CTTNBP2: variants seen among roughly 807,000 people sequenced by gnomAD.
CTTNBP2 encodes the protein cortactin binding protein 2.
Under a neutral mutation model 156.9 loss-of-function variants are expected in CTTNBP2, and 108 were observed. The observed-to-expected ratio is 0.69, with a 90% CI of 0.59 to 0.81. The LOEUF is 0.81. CTTNBP2 is among the 30% of genes least tolerant of loss of function. CTTNBP2 has a pLI of 0.00. For missense variants in CTTNBP2, 1,924 were observed against 2,035.4 expected (o/e 0.95, Z 1.05); for synonymous variants, 767 against 751.8 (o/e 1.02, Z -0.33).
intron 2 of CTTNBP2, among the ~76,000 whole-genome samples, chr7:117,832,124 A>C (rs2117082219): frequency 6.6e-6 from 1 of 152,210 alleles, no homozygotes; most frequent in African/African-American, 2.4e-5. Context: ...TGGCTGTGAC[A>C]CTGCCATCCT....
chr7:117,852,692 T>C (rs1158262620), intron 2 of CTTNBP2, among the ~76,000 whole-genome samples: 2 of 152,218 alleles, frequency 1.3e-5, no homozygotes, highest in African/African-American at 4.8e-5. Context: ...TGCGCTCAAT[T>C]GCAAGGGAAC....
In CTTNBP2 at chr7:117,801,086, C is replaced by A. The variant is rs975801996; in HGVS notation, c.415-8305G>T. Among the ~76,000 whole-genome samples the A allele has an allele frequency of 1.7e-4, 26 of 152,236 alleles. 1 individual carries two copies. The South Asian group carries it at 2.1e-3, about 12-fold the overall frequency. On this transcript the variant is annotated intron_variant, in intron 3 of 22. Coordinates refer to ENST00000160373, the MANE Select transcript of CTTNBP2 (RefSeq NM_033427.3). The stretch of plus-strand genomic sequence containing the variant: ...TCAAATAGGCATCCATGACTCCACA[C>A]TGATGTAATAAACAAGTAAACAGGG...
At chr7:117,871,859 C>CACACACAG (rs1804625423) in intron 1 of CTTNBP2, 1 of 797,962 alleles carries the variant, frequency 1.3e-6, no homozygotes, top group Non-Finnish European at 1.5e-6. Context: ...CACACACACA[C>CACACACAG]ACACACACAC....
chr7:117,851,958 T>C, intron 2 of CTTNBP2, among the ~76,000 whole-genome samples: 1 of 152,212 alleles, frequency 6.6e-6, no homozygotes, highest in East Asian at 1.9e-4. Context: ...CTTGACAGGA[T>C]TACTTAAAAG....
At chr7:117,860,294 A>C (rs1410955471) in intron 2 of CTTNBP2, among the ~76,000 whole-genome samples, 1 of 152,180 alleles carries the variant, frequency 6.6e-6, no homozygotes, top group Non-Finnish European at 1.5e-5. Context: ...CAGAATACTT[A>C]ATTGGAAAAT....
rs1799042442 is a variant in CTTNBP2 at position 117,791,916 on chromosome 7, C to T, written c.1280G>A (p.Ser427Asn). 6.2e-7 allele frequency: 1 copy of T among 1,614,004 alleles called. No homozygotes were observed. Among genetic ancestry groups the T allele is most frequent in the Admixed American group, 1.7e-5 (1 of 59,990 alleles). The change falls in exon 4 of 23, where the codon AGT becomes AAT. Residue 427 changes from serine (S) to asparagine (N), a missense_variant. By Grantham distance (46) the Ser-to-Asn change is conservative. Coordinates refer to ENST00000160373, the MANE Select transcript of CTTNBP2 (RefSeq NM_033427.3). ...GGTGTTGGCACATGGTGAATGTAAA[C>T]TGTGCATAGGTGGAGCTTGCGAGTT... is the stretch of plus-strand genomic sequence containing the variant. ...PQNSQAPPMH[S>N]LHSPCANTSL...
At chr7:117,863,518 C>G (rs1803909379) in intron 1 of CTTNBP2, among the ~76,000 whole-genome samples, 1 of 152,342 alleles carries the variant, frequency 6.6e-6, no homozygotes, top group African/African-American at 2.4e-5. Context: ...CGGGGCTCCA[C>G]CCCTGGAAAT....
At position 117,746,009 on chromosome 7, in the gene CTTNBP2, A is replaced by G. The variant is rs1268093853; in HGVS notation, c.3435+4T>C. 6.2e-6 allele frequency: 10 copies of G among 1,613,586 alleles called. No individual in the cohort carries two copies. Among genetic ancestry groups the G allele is most frequent in the Admixed American group, 3.3e-5 (2 of 60,032 alleles). ...AAAGCAGCTGATATACAAGTAATCA[A>G]TACCTTCAGGCAGAGTGCAAGCTGA... is the stretch of plus-strand genomic sequence containing the variant. On this transcript the variant is annotated splice_donor_region_variant and intron_variant, in intron 13 of 22. Coordinates refer to ENST00000160373, the MANE Select transcript of CTTNBP2 (RefSeq NM_033427.3).
chr7:117,857,717 T>G (rs1420510536), intron 2 of CTTNBP2, among the ~76,000 whole-genome samples: 2 of 152,172 alleles, frequency 1.3e-5, no homozygotes, highest in Non-Finnish European at 2.9e-5. Context: ...ATGCACTTCC[T>G]TCACAGTTGA....
At position 117,810,754 on chromosome 7, in the gene CTTNBP2, C is replaced by A; in HGVS notation, c.414+11G>T. On this transcript the variant is annotated intron_variant, in intron 3 of 22. Coordinates refer to ENST00000160373, the MANE Select transcript of CTTNBP2 (RefSeq NM_033427.3). ...GTTGTGGGGAAAATGACCATTTGAACGCCTCAATACCTTCTTTTGTCTGCT... is the reference window on the plus strand; with the variant it reads ...GTTGTGGGGAAAATGACCATTTGAAAGCCTCAATACCTTCTTTTGTCTGCT... 6.2e-7 allele frequency: 1 copy of A among 1,608,776 alleles called. No individual in the cohort carries two copies.
chr7:117,716,233 ACTT>A (rs1371693056), intron 22 of CTTNBP2, among the ~76,000 whole-genome samples: 5 of 123,152 alleles, frequency 4.1e-5, no homozygotes, highest in Admixed American at 1.5e-4. Context: ...TTTCAGTACT[ACTT>A]TTTTTTTGTG....
At chr7:117,835,274 T>C (rs11980943) in intron 2 of CTTNBP2, among the ~76,000 whole-genome samples, 108,026 of 151,756 alleles carry the variant, frequency 0.71, 39,169 homozygotes, top group African/African-American at 0.86. Context: ...TGCACACTAA[T>C]TCATGTTTAA....
rs1050622877 is a variant in CTTNBP2 at position 117,780,577 on chromosome 7, A to G, written c.2387T>C (p.Leu796Ser). ...ATTAATGTTAGCATCATATGAAATT[A>G]ATAATTCTACACACCTAAACACAAG... ...AQGHFECVEL[L>S]ISYDANINHA... The change falls in exon 7 of 23, where the codon TTA (leucine) becomes TCA (serine). Residue 796 changes from leucine to serine, a missense_variant. Coordinates refer to ENST00000160373, the MANE Select transcript of CTTNBP2 (RefSeq NM_033427.3). The G allele has an allele frequency of 6.3e-7, 1 of 1,587,278 alleles. No homozygotes were observed. The highest frequency in any genetic ancestry group is 8.6e-7 in the Non-Finnish European group (1 of 1,168,084).
chr7:117,853,235 TA>T (rs1462764814), intron 2 of CTTNBP2, among the ~76,000 whole-genome samples: 6 of 152,202 alleles, frequency 3.9e-5, no homozygotes, highest in African/African-American at 1.4e-4. Context: ...GAGGTGGCTG[TA>T]GAAAAGAAAC....
intron 2 of CTTNBP2, among the ~76,000 whole-genome samples, chr7:117,811,812 AAAAATTTTAATTAAATT>A (rs1377714628): frequency 9.9e-5 from 15 of 150,894 alleles, no homozygotes; most frequent in South Asian, 2.1e-4. Flanking sequence ...TTTTTAATGT[AAAAATTTTAATTAAATT>A]AAAATTTTAA....
intron 20 of CTTNBP2, among the ~76,000 whole-genome samples, chr7:117,720,007 C>A (rs1794692688): frequency 6.6e-6 from 1 of 152,152 alleles, no homozygotes; most frequent in African/African-American, 2.4e-5. Flanking sequence ...TGCTAGCTAG[C>A]AATATGACCA....
chr7:117,873,362 G>T lies in CTTNBP2; in HGVS notation c.54C>A (p.Asp18Glu). 1 of 1,468,538 alleles carries T rather than the reference G, an allele frequency of 6.8e-7. No individual in the cohort carries two copies. Among genetic ancestry groups the T allele is most frequent in the South Asian group, 1.3e-5 (1 of 75,934 alleles). The allele number at this position is 1,468,538 out of a possible 1,614,324, so 91.0% of individuals were successfully genotyped here. ...CCGCCTCCGCCGCGGCCCCCGCCGC[G>T]TCCTCCGGGGCCCGGGACAAGTCGG... ...CEPDLSRAPE[D>E]AAGAAAEAAK... Residue 18 changes from aspartate to glutamate, a missense_variant, in exon 1 of 23, where the codon GAC becomes GAA. Transcript: ENST00000160373.
At chr7:117,762,887 C>A (rs1488267178) in intron 9 of CTTNBP2, among the ~76,000 whole-genome samples, 2 of 152,178 alleles carry the variant, frequency 1.3e-5, no homozygotes, top group African/African-American at 2.4e-5. Flanking sequence ...CCTTGCAGTT[C>A]CTCAGACACA....
intron 9 of CTTNBP2, among the ~76,000 whole-genome samples, chr7:117,763,326 G>T (rs1326215493): frequency 1.3e-5 from 2 of 151,580 alleles, no homozygotes; most frequent in Non-Finnish European, 2.9e-5. Context: ...TTCTACCAGA[G>T]ATTTTTTCCA....
Sources: allele counts gnomAD v4.1 joint callset (sites outside exome capture counted in the v4.1 genomes callset), GRCh38; gene constraint gnomAD v4.1.1; transcripts MANE v1.5; gene names NCBI Gene and HGNC (gene_info 2026-07-23, HGNC 2026-07-21).